Variants in KIAA0319 observed in about 807,000 individuals in gnomAD.
KIAA0319 encodes dyslexia-associated protein KIAA0319.
A neutral mutation model predicts 108.4 loss-of-function variants in KIAA0319; 83 were observed. That is an observed-to-expected ratio of 0.77 (90% CI 0.64 to 0.92). The LOEUF is 0.92. Among genes scored for constraint, KIAA0319 ranks in the 40% least tolerant of loss-of-function variants. The pLI is 0.00. For missense variants in KIAA0319, 1,195 were observed against 1,322.4 expected (o/e 0.90, Z 1.49); for synonymous variants, 484 against 510.4 (o/e 0.95, Z 0.70).
intron 1 of KIAA0319, among the ~76,000 whole-genome samples, chr6:24,615,147 T>C (rs1023577484): frequency 5.9e-5 from 9 of 152,234 alleles, no homozygotes; most frequent in Non-Finnish European, 1.0e-4. Flanking sequence ...CTTTTTTACT[T>C]TGGTCTTTAC....
intron 20 of KIAA0319, among the ~76,000 whole-genome samples, chr6:24,551,113 G>A (rs1761419128): frequency 1.3e-5 from 2 of 151,652 alleles, no homozygotes; most frequent in Non-Finnish European, 2.9e-5. Context: ...CGAATAGCTG[G>A]GACTACAGGC....
chr6:24,616,015 C>T (rs1773095338), intron 1 of KIAA0319, among the ~76,000 whole-genome samples: 1 of 152,152 alleles, frequency 6.6e-6, no homozygotes, highest in African/African-American at 2.4e-5. Context: ...TTAAACAAGG[C>T]AGTGCTTTCT....
chr6:24,581,870 G>A (rs945670126), intron 6 of KIAA0319, among the ~76,000 whole-genome samples: 10 of 152,182 alleles, frequency 6.6e-5, no homozygotes, highest in South Asian at 2.1e-4. Context: ...GCAGCTGGGC[G>A]TGGTGGCTCA....
intron 1 of KIAA0319, among the ~76,000 whole-genome samples, chr6:24,618,387 C>T (rs1481791186): frequency 3.3e-5 from 5 of 152,030 alleles, no homozygotes; most frequent in Non-Finnish European, 7.4e-5. Flanking sequence ...GGGAAGAGGA[C>T]TGCTTGAGCC....
rs1561889034 is a variant in KIAA0319, at chr6:24,544,642, A to T, written c.*2523T>A. ...ATGGGTATGAATCCTCCTTCATTGA[A>T]TGTAAACCAGCAACTAAAGTGCTTG... On this transcript the variant is annotated 3_prime_UTR_variant, in exon 21 of 21. Transcript: ENST00000378214. 6.6e-6 allele frequency: 1 copy of T among 152,148 alleles called. No individual in the cohort carries two copies. The highest frequency in any genetic ancestry group is 1.5e-5 in the Non-Finnish European group (1 of 68,030). 9.4% of individuals were successfully genotyped at this position (152,148 alleles called of 1,614,324 possible). A position where few individuals can be genotyped will look rare whatever the true frequency, so the allele number is the denominator to read the frequency against.
rs888874158 is a variant in KIAA0319, at chr6:24,544,724, G to T, written c.*2441C>A. ...CATATTCTAGGGCCTGTTTTTCTCT[G>T]TCCAGAGCTCTTAGCGTGCTTTATC... On this transcript the variant is annotated 3_prime_UTR_variant, in exon 21 of 21. Transcript: ENST00000378214. 6.6e-6 allele frequency: 1 copy of T among 152,164 alleles called. No homozygotes were observed. Among genetic ancestry groups the T allele is most frequent in the Non-Finnish European group, 1.5e-5 (1 of 68,036 alleles). 9.4% of individuals were successfully genotyped at this position (152,164 alleles called of 1,614,324 possible).
rs1242854829 is a variant in KIAA0319, at chr6:24,596,103, T to C, written c.571A>G (p.Ser191Gly). 7 of 1,614,156 alleles carry C rather than the reference T, an allele frequency of 4.3e-6. No individual in the cohort carries two copies. Among genetic ancestry groups the C allele is most frequent in the African/African-American group, 2.7e-5 (2 of 75,058 alleles). ...EYTDWGLLPG[S>G]EGAFNSSVGD... ...ACAGAGGAGTTGAAGGCCCCCTCGC[T>C]GCCCGGCAGTAGGCCCCAGTCCGTG... is the stretch of plus-strand genomic sequence containing the variant. The change falls in exon 3 of 21, where the codon AGC (serine) becomes GGC (glycine). Residue 191 changes from serine to glycine, a missense_variant. Coordinates refer to ENST00000378214, the MANE Select transcript of KIAA0319 (RefSeq NM_014809.4).
intron 1 of KIAA0319, among the ~76,000 whole-genome samples, chr6:24,614,001 T>C (rs1772769893): frequency 6.6e-6 from 1 of 152,216 alleles, no homozygotes; most frequent in South Asian, 2.1e-4. Context: ...GGAGGAAATA[T>C]ATTATTCATA....
At chr6:24,589,936 A>C (rs968517298) in intron 3 of KIAA0319, among the ~76,000 whole-genome samples, 1 of 152,212 alleles carries the variant, frequency 6.6e-6, no homozygotes, top group African/African-American at 2.4e-5. Context: ...TGGAGGGAAA[A>C]GTCTCATAAT....
chr6:24,544,451 T>C lies in KIAA0319; in HGVS notation c.*2714A>G, dbSNP rs746632444. ...ATATTTTAAGCAATAAAACCAAGAT[T>C]AAAATAGTCCATGATAGCTTTGTCA... On this transcript the variant is annotated 3_prime_UTR_variant, in exon 21 of 21. Transcript: ENST00000378214. 1 of 152,124 alleles carries C rather than the reference T, an allele frequency of 6.6e-6. No homozygotes were observed. Among genetic ancestry groups the C allele is most frequent in the Admixed American group, 6.5e-5 (1 of 15,272 alleles). The allele number at this position is 152,124 out of a possible 1,614,324, so 9.4% of individuals were successfully genotyped here.
chr6:24,639,560 G>A (rs1776652238), intron 1 of KIAA0319, among the ~76,000 whole-genome samples: 1 of 152,090 alleles, frequency 6.6e-6, no homozygotes, highest in East Asian at 1.9e-4. Context: ...GTTATTATAA[G>A]AAAAGCTGGC....
chr6:24,640,777 C>T (rs572815774), intron 1 of KIAA0319, among the ~76,000 whole-genome samples: 23 of 152,122 alleles, frequency 1.5e-4, no homozygotes, highest in African/African-American at 3.1e-4. Context: ...CTCAGCCTCC[C>T]GAATAGCTGG....
chr6:24,622,810 G>A (rs1382930611), intron 1 of KIAA0319, among the ~76,000 whole-genome samples: 3 of 152,266 alleles, frequency 2.0e-5, no homozygotes, highest in African/African-American at 4.8e-5. Context: ...CTGGGAGGCC[G>A]AGGCGAGAGG....
At chr6:24,571,563 T>C (rs535412067) in intron 11 of KIAA0319, among the ~76,000 whole-genome samples, 1 of 152,248 alleles carries the variant, frequency 6.6e-6, no homozygotes, top group African/African-American at 2.4e-5. Flanking sequence ...CCGGGCTCTC[T>C]TGGGGTCATC....
chr6:24,599,009 C>T lies in KIAA0319; in HGVS notation c.55+2040G>A, dbSNP rs558773916. 5.6e-5 allele frequency: 40 copies of T among 708,082 alleles called. No homozygotes were observed. The highest frequency in any genetic ancestry group is 8.7e-5 in the Non-Finnish European group (34 of 389,136). The allele number at this position is 708,082 out of a possible 1,614,324, so 43.9% of individuals were successfully genotyped here. Reference sequence around the variant, plus strand: ...AGTCTCGCCTGGAAGGGCTGAATAACGAGATCAACTTCCTCAGGCAGCTGT... The same window carrying T: ...AGTCTCGCCTGGAAGGGCTGAATAATGAGATCAACTTCCTCAGGCAGCTGT... On this transcript the variant is annotated intron_variant, in intron 2 of 20. Coordinates refer to ENST00000378214, the MANE Select transcript of KIAA0319 (RefSeq NM_014809.4). The surrounding 1 kb of genome is among the most constrained non-coding windows in gnomAD (Gnocchi z 4.1).
intron 16 of KIAA0319, among the ~76,000 whole-genome samples, chr6:24,560,108 G>T (rs901189256): frequency 6.6e-6 from 1 of 152,136 alleles, no homozygotes; most frequent in Admixed American, 6.5e-5. Flanking sequence ...TCATCAGCTG[G>T]TGGACACTTG....
rs529306895 is a variant in KIAA0319 at position 24,547,018 on chromosome 6, C to A, written c.*147G>T. ...AGTTTTTGTTTTGTGCCTTCAAAAA[C>A]CGGTCTTTTAGTACGTGGGGATACA... is the stretch of plus-strand genomic sequence containing the variant. On this transcript the variant is annotated 3_prime_UTR_variant, in exon 21 of 21. Coordinates refer to ENST00000378214, the MANE Select transcript of KIAA0319 (RefSeq NM_014809.4). 92 of 772,870 alleles carry A rather than the reference C, an allele frequency of 1.2e-4. No individual in the cohort carries two copies. Among genetic ancestry groups the A allele is most frequent in the South Asian group, 8.4e-4 (43 of 51,264 alleles). The allele number at this position is 772,870 out of a possible 1,614,324, so 47.9% of individuals were successfully genotyped here. A position where few individuals can be genotyped will look rare whatever the true frequency, so the allele number is the denominator to read the frequency against.
chr6:24,631,633 A>G (rs1390404604), intron 1 of KIAA0319, among the ~76,000 whole-genome samples: 2 of 151,436 alleles, frequency 1.3e-5, no homozygotes, highest in African/African-American at 4.9e-5. Flanking sequence ...CCTTGAGTGT[A>G]CACCATGTGG....
intron 1 of KIAA0319, among the ~76,000 whole-genome samples, chr6:24,625,276 CA>C (rs1774552573): frequency 6.6e-6 from 1 of 152,038 alleles, no homozygotes; most frequent in Non-Finnish European, 1.5e-5. Flanking sequence ...ATGTGAAATG[CA>C]AAGCTTTAAA....
Sources: allele counts gnomAD v4.1 joint callset (sites outside exome capture counted in the v4.1 genomes callset), GRCh38; gene constraint gnomAD v4.1.1; non-coding constraint Gnocchi (gnomAD v3.1); transcripts MANE v1.5; gene names NCBI Gene and HGNC (gene_info 2026-07-23, HGNC 2026-07-21).